Variants in PUDP observed in about 807,000 individuals in gnomAD.
PUDP encodes the protein pseudouridine 5'-phosphatase, also known as pseudouridine-5'-phosphatase.
PUDP carries 8 observed loss-of-function variants against 9.4 expected under a neutral mutation model. The observed-to-expected ratio is 0.85, with a 90% CI of 0.50 to 1.53. The LOEUF is 1.53. Among genes scored for constraint, PUDP ranks in the 40% most tolerant of loss-of-function variants. The pLI is 0.00. For missense variants in PUDP, 188 were observed against 189.7 expected, an observed-to-expected ratio of 0.99 and a Z score of 0.05; for synonymous variants, 99 against 80.7, an observed-to-expected ratio of 1.23 and a Z score of -1.22.
chrX:6,811,779 G>T (rs965621112), intron 3 of PUDP, among the ~76,000 whole-genome samples: 5 of 112,083 alleles, frequency 4.5e-5, no homozygotes, highest in Non-Finnish European at 7.5e-5. Context: ...ATGATACCTG[G>T]CCTGTTATTT....
intron 3 of PUDP, among the ~76,000 whole-genome samples, chrX:6,775,858 C>T (rs750779014): frequency 7.2e-5 from 8 of 111,673 alleles, no homozygotes; most frequent in Non-Finnish European, 1.3e-4. Flanking sequence ...TCACCAGGCA[C>T]TGGATCTGCT....
chrX:6,745,233 C>G (rs1924986118), intron 3 of PUDP, among the ~76,000 whole-genome samples: 1 of 112,105 alleles, frequency 8.9e-6, no homozygotes, highest in African/African-American at 3.2e-5. Flanking sequence ...CTCTCTGGCA[C>G]TGATACTTTA....
intron 3 of PUDP, among the ~76,000 whole-genome samples, chrX:6,915,276 T>C (rs1240187758): frequency 8.9e-6 from 1 of 112,330 alleles, no homozygotes; most frequent in East Asian, 2.8e-4. Flanking sequence ...TATATTTTCA[T>C]TGCTATTTTG....
chrX:6,860,627 A>C (rs1602649262), intron 3 of PUDP, among the ~76,000 whole-genome samples: 1 of 110,400 alleles, frequency 9.1e-6, no homozygotes, highest in Admixed American at 9.6e-5. Context: ...GTGTGCCACC[A>C]CACCCGGCTA....
Position 6,720,664 on chromosome X carries a change from A to AAAT in PUDP, n.128+750_128+752dup, listed in dbSNP as rs34237665. Reference sequence around the variant, plus strand: ...GATCTCAAATATTCACACTATCCCCAAATAATAATAATAATAATAATAATA... The same window carrying AAAT: ...GATCTCAAATATTCACACTATCCCCAAATAATAATAATAATAATAATAATAATA... On this transcript the variant is annotated intron_variant and non_coding_transcript_variant, in intron 1 of 2. Coordinates refer to the PUDP transcript ENST00000438499. 2.0e-3 allele frequency among the ~76,000 whole-genome samples: 211 copies of AAAT among 104,108 alleles called. 4 individuals carry two copies. Among genetic ancestry groups the AAAT allele is most frequent in the East Asian group, 0.018 (59 of 3,363 alleles). The allele number at this position is 104,108 out of a possible 115,157, so 90.4% of individuals were successfully genotyped here. A position where few individuals can be genotyped will look rare whatever the true frequency, so the allele number is the denominator to read the frequency against.
chrX:6,984,885 T>C (rs1929084093), intron 1 of PUDP, among the ~76,000 whole-genome samples: 1 of 111,739 alleles, frequency 8.9e-6, no homozygotes, highest in Admixed American at 9.8e-5. Context: ...GGTGATTCAA[T>C]ACCAACTGGC....
At chrX:7,134,603 A>G (rs1199443788) in intron 1 of PUDP, among the ~76,000 whole-genome samples, 2 of 112,313 alleles carry the variant, frequency 1.8e-5, no homozygotes, top group African/African-American at 6.5e-5. Context: ...AACACAGGGT[A>G]GCAAATGGCA....
At chrX:6,848,196 A>G (rs192958421) in intron 3 of PUDP, among the ~76,000 whole-genome samples, 2 of 112,233 alleles carry the variant, frequency 1.8e-5, no homozygotes, top group East Asian at 5.6e-4. Context: ...CACAGGAAGC[A>G]GACAGAGAAG....
At chrX:6,808,968 T>C (rs1360030590) in intron 3 of PUDP, among the ~76,000 whole-genome samples, 1 of 111,664 alleles carries the variant, frequency 9.0e-6, no homozygotes, top group Non-Finnish European at 1.9e-5. Flanking sequence ...TGAAAACAAG[T>C]CCTTGTATGT....
At chrX:6,924,678 A>C (rs1928074518) in intron 3 of PUDP, among the ~76,000 whole-genome samples, 2 of 112,095 alleles carry the variant, frequency 1.8e-5, no homozygotes, top group Non-Finnish European at 3.8e-5. Context: ...TCAGATGTGG[A>C]GTTTTATAAT....
At chrX:7,033,324 C>A (rs1187012693) in intron 1 of PUDP, among the ~76,000 whole-genome samples, 1 of 111,778 alleles carries the variant, frequency 8.9e-6, no homozygotes, top group African/African-American at 3.3e-5. Context: ...CCTTAATAAA[C>A]TCCCCTTTAT....
chrX:6,876,093 T>C (rs1927247512), intron 3 of PUDP, among the ~76,000 whole-genome samples: 1 of 112,418 alleles, frequency 8.9e-6, no homozygotes, highest in Non-Finnish European at 1.9e-5. Flanking sequence ...ATATTGACTT[T>C]ATAATGATGT....
chrX:7,062,522 C>G (rs1930432769), intron 3 of PUDP, among the ~76,000 whole-genome samples: 1 of 111,343 alleles, frequency 9.0e-6, no homozygotes, highest in Admixed American at 9.6e-5. Context: ...TTAGCAGAGA[C>G]AGCTACTGGC....
intron 1 of PUDP, among the ~76,000 whole-genome samples, chrX:7,034,719 C>T (rs1378642254): frequency 9.0e-6 from 1 of 111,449 alleles, no homozygotes; most frequent in East Asian, 2.8e-4. Context: ...GCAAAATTTA[C>T]AGGACTGGCC....
chrX:6,864,434 A>G (rs773557805), intron 3 of PUDP, among the ~76,000 whole-genome samples: 1 of 112,416 alleles, frequency 8.9e-6, no homozygotes, highest in East Asian at 2.8e-4. Context: ...ACCACACAAT[A>G]TAACACTTGC....
chrX:6,994,552 T>C (rs753526130), intron 1 of PUDP, among the ~76,000 whole-genome samples: 34 of 111,958 alleles, frequency 3.0e-4, no homozygotes, highest in African/African-American at 9.7e-4. Flanking sequence ...ACCTCTGATA[T>C]GTTCTCCAGA....
At chrX:6,708,104 T>G (rs186750065) in intron 1 of PUDP, among the ~76,000 whole-genome samples, 76 of 111,890 alleles carry the variant, frequency 6.8e-4, no homozygotes, top group East Asian at 6.8e-3. Flanking sequence ...ATTCTTAAAA[T>G]ACTTTTAGTA....
chrX:6,949,781 C>G (rs771988990), intron 3 of PUDP, among the ~76,000 whole-genome samples: 2 of 112,117 alleles, frequency 1.8e-5, no homozygotes, highest in Non-Finnish European at 3.8e-5. Context: ...CCGGGCACAG[C>G]TTAGCCCACT....
chrX:7,137,024 G>A (rs146503574), intron 1 of PUDP, among the ~76,000 whole-genome samples: 4,665 of 111,413 alleles, frequency 0.042, 234 homozygotes, highest in African/African-American at 0.14. Flanking sequence ...ACTCTGTGCT[G>A]AGGTCAGGAG....
Sources: gnomAD v4.1 joint callset for allele counts (sites outside exome capture counted in the v4.1 genomes callset) on GRCh38, gnomAD v4.1.1 for gene constraint, MANE v1.5 for transcripts, NCBI Gene and HGNC (gene_info 2026-07-23, HGNC 2026-07-21) for gene names.